GMDS: variants seen among roughly 807,000 people sequenced by gnomAD.
GMDS encodes the protein GDP-mannose 4,6-dehydratase.
Under a neutral mutation model 49.9 loss-of-function variants are expected in GMDS, and 20 were observed. The ratio of observed to expected loss-of-function variants is 0.40; its 90% CI spans 0.28 to 0.58. GMDS has a LOEUF of 0.58. GMDS is among the 20% of genes least tolerant of loss of function. The probability of loss-of-function intolerance (pLI) is 0.42; values close to 1 mark genes in which losing one functional copy is unlikely to be tolerated. For synonymous variants in GMDS, 177 were observed against 178.6 expected (o/e 0.99, Z 0.07); for missense variants, 362 against 481.4 (o/e 0.75, Z 2.32).
chr6:1,941,069 TAA>T lies in GMDS; in HGVS notation c.644-10841_644-10840del, dbSNP rs60798013. 9.0e-3 allele frequency among the ~76,000 whole-genome samples: 1,349 copies of T among 150,362 alleles called. 14 individuals are homozygous for T. The highest frequency in any genetic ancestry group is 0.029 in the African/African-American group (1,189 of 40,996). On this transcript the variant is annotated intron_variant, in intron 6 of 10. Coordinates refer to ENST00000380815, the MANE Select transcript of GMDS (RefSeq NM_001500.4). ...CCCCACAAAGACAAAATCCCCAAAATAAAAAAAAAAATGTATAGCTTTTAAGT... is the reference window on the plus strand; with the variant it reads ...CCCCACAAAGACAAAATCCCCAAAATAAAAAAAAATGTATAGCTTTTAAGT...
At chr6:1,910,290 A>G (rs895808261) in intron 7 of GMDS, among the ~76,000 whole-genome samples, 2 of 151,660 alleles carry the variant, frequency 1.3e-5, no homozygotes, top group African/African-American at 4.8e-5. Context: ...AGCTTAGCTT[A>G]AGCTCAGAAT....
intron 1 of GMDS, among the ~76,000 whole-genome samples, chr6:2,241,734 T>C (rs1036764422): frequency 6.6e-6 from 1 of 152,206 alleles, no homozygotes; most frequent in Non-Finnish European, 1.5e-5. Flanking sequence ...GCCTAAAGCT[T>C]TCAGCAGAAG....
rs1045281567 is a variant in GMDS at position 2,223,740 on chromosome 6, T to C, written c.102+21581A>G. 3.9e-5 allele frequency among the ~76,000 whole-genome samples: 6 copies of C among 151,922 alleles called. No homozygotes were observed. The South Asian group carries it at 8.3e-4, about 21-fold the overall frequency. The stretch of plus-strand genomic sequence containing the variant: ...AGGGTGGGGAAAAACACAGAGATGA[T>C]AGAAGGGAGGGACATGTGGAGTAGG... On this transcript the variant is annotated intron_variant, in intron 1 of 10. Coordinates refer to ENST00000380815, the MANE Select transcript of GMDS (RefSeq NM_001500.4).
At chr6:2,230,720 C>T (rs1215503294) in intron 1 of GMDS, among the ~76,000 whole-genome samples, 1 of 151,756 alleles carries the variant, frequency 6.6e-6, no homozygotes, top group South Asian at 2.1e-4. Flanking sequence ...TAAAAACCAC[C>T]GTTGTCCATA....
chr6:2,209,482 G>C (rs1379431884), intron 1 of GMDS, among the ~76,000 whole-genome samples: 6 of 151,706 alleles, frequency 4.0e-5, no homozygotes, highest in Non-Finnish European at 7.4e-5. Context: ...GACCACAGTG[G>C]GTACTCACAC....
rs1338737784 is a variant in GMDS at position 1,836,924 on chromosome 6, G to C, written c.771+93179C>G. 6.6e-6 allele frequency among the ~76,000 whole-genome samples: 1 copy of C among 152,212 alleles called. No homozygotes were observed. Among genetic ancestry groups the C allele is most frequent in the Non-Finnish European group, 1.5e-5 (1 of 68,032 alleles). Reference sequence around the variant, plus strand: ...ATCCAGCTGCTATTCTTTGGTACTTGCTGATAAGACTTTGTTTTAAGTTTA... The same window carrying C: ...ATCCAGCTGCTATTCTTTGGTACTTCCTGATAAGACTTTGTTTTAAGTTTA... On this transcript the variant is annotated intron_variant, in intron 7 of 10. Coordinates refer to ENST00000380815, the MANE Select transcript of GMDS (RefSeq NM_001500.4). This position sits in a 1 kb window ranked among gnomAD's most constrained non-coding sequence, Gnocchi z 4.2.
chr6:1,796,294 A>G (rs1311602494), intron 7 of GMDS, among the ~76,000 whole-genome samples: 2 of 152,208 alleles, frequency 1.3e-5, no homozygotes, highest in African/African-American at 2.4e-5. Flanking sequence ...TATGTAAGAA[A>G]AAGTATGAAA....
intron 9 of GMDS, among the ~76,000 whole-genome samples, chr6:1,661,359 C>T (rs1376461251): frequency 6.6e-6 from 1 of 152,184 alleles, no homozygotes; most frequent in African/African-American, 2.4e-5. Flanking sequence ...ATCAGAATAC[C>T]TCAACATTTA....
intron 7 of GMDS, among the ~76,000 whole-genome samples, chr6:1,842,925 G>A (rs1251996338): frequency 6.6e-6 from 1 of 151,914 alleles, no homozygotes; most frequent in Non-Finnish European, 1.5e-5. Context: ...GACCAGCCTG[G>A]GCAACATGGT....
chr6:2,124,751 T>C lies in GMDS; in HGVS notation c.103-20A>G. 8 of 1,606,402 alleles carry C rather than the reference T, an allele frequency of 5.0e-6. No individual in the cohort carries two copies. Among genetic ancestry groups the C allele is most frequent in the Non-Finnish European group, 6.8e-6 (8 of 1,173,842 alleles). ...ACCATCCTGGGGAGAAAGAAAAAAT[T>C]GCAAAACGTCAGTCTCATAGTGGTA... On this transcript the variant is annotated intron_variant, in intron 1 of 10. Coordinates refer to ENST00000380815, the MANE Select transcript of GMDS (RefSeq NM_001500.4).
At chr6:2,186,872 T>C (rs1201496840) in intron 1 of GMDS, among the ~76,000 whole-genome samples, 1 of 152,256 alleles carries the variant, frequency 6.6e-6, no homozygotes, top group Admixed American at 6.5e-5. Context: ...TATATACGTG[T>C]ACATATATTT....
intron 7 of GMDS, among the ~76,000 whole-genome samples, chr6:1,846,864 T>C (rs1261354747): frequency 2.0e-5 from 3 of 152,144 alleles, no homozygotes; most frequent in African/African-American, 4.8e-5. Context: ...ATCAAATATA[T>C]CACTGTGGAC....
intron 7 of GMDS, among the ~76,000 whole-genome samples, chr6:1,897,564 T>G (rs1760266689): frequency 6.6e-6 from 1 of 152,160 alleles, no homozygotes. Flanking sequence ...CTTGCCAATA[T>G]TTAAGGGACA....
intron 7 of GMDS, among the ~76,000 whole-genome samples, chr6:1,910,115 C>T (rs536669784): frequency 1.6e-4 from 25 of 151,936 alleles, no homozygotes; most frequent in African/African-American, 6.0e-4. Context: ...TAAAAATATT[C>T]TTAAAATTAA....
At chr6:2,136,547 C>A (rs1387207571) in intron 1 of GMDS, among the ~76,000 whole-genome samples, 2 of 152,040 alleles carry the variant, frequency 1.3e-5, no homozygotes, top group African/African-American at 4.8e-5. Context: ...CATAGTGAGA[C>A]CCCATCTCTA....
chr6:1,727,698 C>G (rs548652811), intron 8 of GMDS, among the ~76,000 whole-genome samples: 1 of 152,158 alleles, frequency 6.6e-6, no homozygotes, highest in Admixed American at 6.5e-5. Context: ...ACCTCATAAG[C>G]CTTATTTCTG....
intron 4 of GMDS, among the ~76,000 whole-genome samples, chr6:2,065,646 C>G (rs551954694): frequency 6.6e-6 from 1 of 151,736 alleles, no homozygotes; most frequent in African/African-American, 2.4e-5. Flanking sequence ...GGAGCTGATG[C>G]GATCAACTGG....
chr6:1,736,931 C>T (rs1767019944), intron 8 of GMDS, among the ~76,000 whole-genome samples: 1 of 152,168 alleles, frequency 6.6e-6, no homozygotes, highest in Non-Finnish European at 1.5e-5. Context: ...CTGCAGGATC[C>T]ACCCCCTGGA....
intron 1 of GMDS, among the ~76,000 whole-genome samples, chr6:2,179,931 A>G (rs1778446144): frequency 7.0e-6 from 1 of 142,316 alleles, no homozygotes; most frequent in Admixed American, 7.6e-5. Flanking sequence ...AATGAAACTT[A>G]AGGTGATACA....
Sources: gnomAD v4.1 joint callset for allele counts (sites outside exome capture counted in the v4.1 genomes callset) on GRCh38, gnomAD v4.1.1 for gene constraint, Gnocchi (gnomAD v3.1) non-coding constraint, MANE v1.5 for transcripts, NCBI Gene and HGNC (gene_info 2026-07-23, HGNC 2026-07-21) for gene names.